Variants in CAMK1D observed in about 807,000 individuals in gnomAD.
The protein encoded by CAMK1D is calcium/calmodulin-dependent protein kinase type 1D.
Under a neutral mutation model 47.7 loss-of-function variants are expected in CAMK1D, and 9 were observed. The ratio of observed to expected loss-of-function variants is 0.19; its 90% CI spans 0.11 to 0.33. The LOEUF is 0.33. Among genes scored for constraint, CAMK1D ranks in the 10% least tolerant of loss-of-function variants. CAMK1D has a pLI of 1.00. For missense variants in CAMK1D, 291 were observed against 488.7 expected (o/e 0.60, Z 3.81); for synonymous variants, 184 against 184.9 (o/e 0.99, Z 0.04).
chr10:12,476,409 T>G lies in CAMK1D; in HGVS notation c.93-76816T>G, dbSNP rs574841842. On this transcript the variant is annotated intron_variant, in intron 1 of 10. Coordinates refer to ENST00000619168, the MANE Select transcript of CAMK1D (RefSeq NM_153498.4). ...GGTTGAGAGACCACAGAGCATGCAT[T>G]TATTTTAGGGCACCCCAGAACAGGG... is the stretch of plus-strand genomic sequence containing the variant. Among the ~76,000 whole-genome samples, 66 of 152,168 alleles carry G rather than the reference T, an allele frequency of 4.3e-4. No homozygotes were observed. In the South Asian group the frequency reaches 0.012, roughly 28 times the overall value.
Position 12,835,007 on chromosome 10 carries a change from G to A in CAMK1D, c.*6120G>A, listed in dbSNP as rs15980. The A allele has an allele frequency of 0.45, 68,982 of 152,166 alleles. 17,349 individuals are homozygous for A. Among genetic ancestry groups the A allele is most frequent in the African/African-American group, 0.69 (28,541 of 41,526 alleles). 9.4% of individuals were successfully genotyped at this position (152,166 alleles called of 1,614,324 possible). On this transcript the variant is annotated 3_prime_UTR_variant, in exon 11 of 11. Coordinates refer to ENST00000619168, the MANE Select transcript of CAMK1D (RefSeq NM_153498.4). Reference sequence around the variant, plus strand: ...ATCAGAGGGACATGAAATGCTGTCCGAATGGTGGCAGAAATGCAGCGACAT... The same window carrying A: ...ATCAGAGGGACATGAAATGCTGTCCAAATGGTGGCAGAAATGCAGCGACAT...
chr10:12,603,566 G>C (rs1279776854), intron 2 of CAMK1D, among the ~76,000 whole-genome samples: 1 of 152,094 alleles, frequency 6.6e-6, no homozygotes, highest in African/African-American at 2.4e-5. Flanking sequence ...TGTGCTATTC[G>C]ATGGAGTGGG....
At chr10:12,435,221 C>CAAAAAAAAAAAA (rs910066372) in intron 1 of CAMK1D, among the ~76,000 whole-genome samples, 1 of 44,022 alleles carries the variant, frequency 2.3e-5, no homozygotes, top group Non-Finnish European at 4.1e-5. Context: ...AACTCTGTCT[C>CAAAAAAAAAAAA]AAAAAAAAAA....
At chr10:12,555,519 A>C (rs1836732671) in intron 2 of CAMK1D, among the ~76,000 whole-genome samples, 1 of 152,238 alleles carries the variant, frequency 6.6e-6, no homozygotes, top group African/African-American at 2.4e-5. Context: ...ATTGTATGGA[A>C]GAGAATCTGG....
chr10:12,680,128 G>A (rs969021066), intron 3 of CAMK1D, among the ~76,000 whole-genome samples: 1 of 152,258 alleles, frequency 6.6e-6, no homozygotes, highest in Non-Finnish European at 1.5e-5. Context: ...TGGGAGAGAT[G>A]AGGCTAGAGG....
chr10:12,429,734 T>G (rs1429056352), intron 1 of CAMK1D, among the ~76,000 whole-genome samples: 2 of 152,124 alleles, frequency 1.3e-5, no homozygotes, highest in Non-Finnish European at 2.9e-5. Flanking sequence ...TGACAAACAT[T>G]GGCACTAAGT....
chr10:12,712,940 C>T (rs1833991082), intron 3 of CAMK1D, among the ~76,000 whole-genome samples: 1 of 152,128 alleles, frequency 6.6e-6, no homozygotes, highest in Admixed American at 6.5e-5. Flanking sequence ...AGCCTCAGAG[C>T]CCACCCTCTG....
At chr10:12,572,363 T>G (rs1420017015) in intron 2 of CAMK1D, among the ~76,000 whole-genome samples, 2 of 152,218 alleles carry the variant, frequency 1.3e-5, no homozygotes, top group Non-Finnish European at 2.9e-5. Context: ...AGACGTGCCT[T>G]GCTTCCCTTT....
chr10:12,618,754 TG>T, intron 2 of CAMK1D, among the ~76,000 whole-genome samples: 1 of 152,312 alleles, frequency 6.6e-6, no homozygotes, highest in East Asian at 1.9e-4. Context: ...GTTTAAACTT[TG>T]CGTAGGAAGA....
intron 4 of CAMK1D, among the ~76,000 whole-genome samples, chr10:12,765,507 C>T (rs1836709767): frequency 6.6e-6 from 1 of 152,204 alleles, no homozygotes; most frequent in Non-Finnish European, 1.5e-5. Flanking sequence ...TCTGATTAGA[C>T]CCTGCTCTCT....
At chr10:12,494,769 A>G (rs1564372175) in intron 1 of CAMK1D, among the ~76,000 whole-genome samples, 1 of 151,934 alleles carries the variant, frequency 6.6e-6, no homozygotes. Context: ...GGGTTTTTCC[A>G]TGTTGGCCAG....
At chr10:12,421,463 C>G (rs1224780463) in intron 1 of CAMK1D, among the ~76,000 whole-genome samples, 3 of 145,090 alleles carry the variant, frequency 2.1e-5, no homozygotes, top group South Asian at 4.4e-4. Context: ...TGGCTCTTGC[C>G]GTATTCCACT....
intron 5 of CAMK1D, among the ~76,000 whole-genome samples, chr10:12,789,570 C>G (rs1438452863): frequency 2.0e-5 from 3 of 152,236 alleles, no homozygotes; most frequent in Non-Finnish European, 4.4e-5. Context: ...ATGACTCACT[C>G]AGGACCCAGT....
intron 3 of CAMK1D, among the ~76,000 whole-genome samples, chr10:12,756,722 C>A (rs941693741): frequency 2.6e-5 from 4 of 151,930 alleles, no homozygotes; most frequent in Non-Finnish European, 5.9e-5. Context: ...GTCAGAAGAT[C>A]GACACCATCC....
chr10:12,529,677 A>G (rs890730867), intron 1 of CAMK1D, among the ~76,000 whole-genome samples: 3 of 152,214 alleles, frequency 2.0e-5, no homozygotes, highest in Admixed American at 6.5e-5. Context: ...CCCTTACTCC[A>G]TGTACGGGGT....
chr10:12,769,637 G>T (rs1472584633), intron 4 of CAMK1D, 36 bp from the exon 5 acceptor site: 24 of 1,610,406 alleles, frequency 1.5e-5, no homozygotes, highest in Non-Finnish European at 2.0e-5. Flanking sequence ...AGCTTTACAC[G>T]TAGTTTGTAA....
At chr10:12,583,605 ATT>A (rs199562739) in intron 2 of CAMK1D, among the ~76,000 whole-genome samples, 4 of 132,618 alleles carry the variant, frequency 3.0e-5, no homozygotes. Flanking sequence ...TTGTTGTTTT[ATT>A]TTTTTTTTTT....
At chr10:12,817,021 A>G (rs1182754032) in intron 8 of CAMK1D, among the ~76,000 whole-genome samples, 1 of 152,124 alleles carries the variant, frequency 6.6e-6, no homozygotes, top group Non-Finnish European at 1.5e-5. Flanking sequence ...TCTTACATGG[A>G]TGGGAGCAGG....
chr10:12,696,504 T>G (rs1833303849), intron 3 of CAMK1D, among the ~76,000 whole-genome samples: 1 of 152,200 alleles, frequency 6.6e-6, no homozygotes, highest in Non-Finnish European at 1.5e-5. Context: ...GCCATTGCAC[T>G]CCAGCCTGGG....
Sources: allele counts gnomAD v4.1 joint callset (sites outside exome capture counted in the v4.1 genomes callset), GRCh38; gene constraint gnomAD v4.1.1; transcripts MANE v1.5; gene names NCBI Gene and HGNC (gene_info 2026-07-23, HGNC 2026-07-21).